GAA: variants seen among roughly 807,000 people sequenced by gnomAD.
GAA encodes the protein lysosomal alpha-glucosidase.
Under a neutral mutation model 103.9 loss-of-function variants are expected in GAA, and 88 were observed. That is an observed-to-expected ratio of 0.85 (90% CI 0.71 to 1.01). The LOEUF (loss-of-function observed/expected upper bound fraction) is 1.01, where lower values mean the gene tolerates loss of function less well. Ranked by LOEUF, GAA falls within the 50% of genes least tolerant of loss-of-function variation. The pLI is 0.00. For missense variants in GAA, 1,350 were observed against 1,305.3 expected, an observed-to-expected ratio of 1.03 and a Z score of -0.53; for synonymous variants, 572 against 563.1, an observed-to-expected ratio of 1.02 and a Z score of -0.22.
In GAA at chr17:80,119,632, A is replaced by G. The variant is rs2143941340; in HGVS notation, c.*301A>G. The G allele has an allele frequency of 2.5e-6, 1 of 405,048 alleles. No homozygotes were observed. The allele number at this position is 405,048 out of a possible 1,614,324, so 25.1% of individuals were successfully genotyped here. ...CACCTGTTGCCGGCATGCGGGTAGT[A>G]TTAGCCACCCCCCTCCATCTGTTCC... On this transcript the variant is annotated 3_prime_UTR_variant, in exon 20 of 20. Transcript: ENST00000302262.
At chr17:80,112,250 C>T in intron 12 of GAA, 150 bp downstream of exon 12, 1 of 764,266 alleles carries the variant, frequency 1.3e-6, no homozygotes, top group Non-Finnish European at 2.2e-6. Context: ...CACCCGCTGC[C>T]TGCACCCCAG....
At chr17:80,111,074 C>G in intron 11 of GAA, 49 bp downstream of exon 11, 1 of 1,563,300 alleles carries the variant, frequency 6.4e-7, no homozygotes, top group African/African-American at 1.4e-5. Flanking sequence ...ATCAGAGACT[C>G]CCTTGTCTGG....
Position 80,118,864 on chromosome 17 carries a change from A to G in GAA, c.2799+59A>G, listed in dbSNP as rs2039420458. 3 of 1,595,626 alleles carry G rather than the reference A, an allele frequency of 1.9e-6. No individual in the cohort carries two copies. In the Admixed American group the frequency reaches 5.1e-5, roughly 27 times the overall value. On this transcript the variant is annotated intron_variant, in intron 19 of 19. Transcript: ENST00000302262. ...CCCCCAGCCGTGGTGCAGGGGGCAG[A>G]AGGTGCTGGGCGTCCTGGTGACCGA...
intron 1 of GAA, chr17:80,102,791 T>C (rs542366578): frequency 1.3e-5 from 2 of 152,226 alleles, no homozygotes; most frequent in Non-Finnish European, 2.9e-5. Flanking sequence ...TCTGAATTTA[T>C]AACTAGTTGA....
At position 80,112,812 on chromosome 17, in the gene GAA, G is replaced by T. The variant is rs754890343; in HGVS notation, c.1889-64G>T. The T allele has an allele frequency of 5.1e-6, 8 of 1,582,102 alleles. No homozygotes were observed. In the Admixed American group the frequency reaches 1.3e-4, roughly 25 times the overall value. Reference sequence around the variant, plus strand: ...ACCCACTTAGCAGGTGGGGCTCTGGGTCACTTGGCCTGAGCTGGCTCTGCT... The same window carrying T: ...ACCCACTTAGCAGGTGGGGCTCTGGTTCACTTGGCCTGAGCTGGCTCTGCT... On this transcript the variant is annotated intron_variant, in intron 13 of 19. Coordinates refer to ENST00000302262, the MANE Select transcript of GAA (RefSeq NM_000152.5).
At chr17:80,110,916 C>T in intron 10 of GAA, 25 bp from the exon 11 acceptor site, 1 of 1,613,886 alleles carries the variant, frequency 6.2e-7, no homozygotes, top group Non-Finnish European at 8.5e-7. Flanking sequence ...GGCAGAGTCA[C>T]CTACCAGCAG....
At chr17:80,117,207 A>C (rs959001000) in intron 16 of GAA, 98 bp downstream of exon 16, 89 of 1,347,614 alleles carry the variant, frequency 6.6e-5, no homozygotes, top group Non-Finnish European at 8.7e-5. Flanking sequence ...TGGCGGAAAG[A>C]GGAACGTATG....
At chr17:80,119,031 T>C (rs1217396515) in intron 19 of GAA, among the ~76,000 whole-genome samples, 1 of 152,224 alleles carries the variant, frequency 6.6e-6, no homozygotes, top group Admixed American at 6.5e-5. Context: ...CTGAGCCGTG[T>C]TGAAGCAGCA....
At chr17:80,118,493 A>C (rs1391835381) in intron 18 of GAA, 136 bp downstream of exon 18, 1 of 1,401,530 alleles carries the variant, frequency 7.1e-7, no homozygotes, top group African/African-American at 1.4e-5. Flanking sequence ...GGGGTCCTAG[A>C]GTGAGCAGTG....
chr17:80,117,227 C>A, intron 16 of GAA, 118 bp downstream of exon 16: 1 of 1,123,654 alleles, frequency 8.9e-7, no homozygotes, highest in Non-Finnish European at 1.3e-6. Context: ...GTGTTGAGTC[C>A]CGGCCATGTG....
Position 80,109,917 on chromosome 17 carries a change from T to C in GAA, c.1327-28T>C, listed in dbSNP as rs944479501. On this transcript the variant is annotated intron_variant, in intron 8 of 19. Transcript: ENST00000302262. Reference sequence around the variant, plus strand: ...CTGGCGCCAGGGCTCTGGGCCACCCTCACCTTGACAGGTTTCCCTCTTCCC... The same window carrying C: ...CTGGCGCCAGGGCTCTGGGCCACCCCCACCTTGACAGGTTTCCCTCTTCCC... 4.4e-6 allele frequency: 7 copies of C among 1,585,320 alleles called. No homozygotes were observed. The Admixed American group carries it at 6.7e-5, about 15-fold the overall frequency.
intron 8 of GAA, among the ~76,000 whole-genome samples, 193 bp downstream of exon 8, chr17:80,109,021 C>A (rs1461265730): frequency 6.6e-6 from 1 of 152,138 alleles, no homozygotes; most frequent in Non-Finnish European, 1.5e-5. Context: ...GTTTGAGGGT[C>A]CCCAGAAATG....
chr17:80,108,612 G>A lies in GAA; in HGVS notation c.1194+5G>A, dbSNP rs2039153749. ...ACCAGGGCCCACTTCCCCCTGGTGA[G>A]TTGGGGTGGTGGCAGGGGAGGCAAG... On this transcript the variant is annotated splice_donor_5th_base_variant and intron_variant, in intron 7 of 19. Transcript: ENST00000302262. 2 of 1,612,792 alleles carry A rather than the reference G, an allele frequency of 1.2e-6. No individual in the cohort carries two copies. The highest frequency in any genetic ancestry group is 1.6e-4 in the Middle Eastern group (1 of 6,062).
chr17:80,102,825 G>A (rs2038986082), intron 1 of GAA: 1 of 152,230 alleles, frequency 6.6e-6, no homozygotes. Flanking sequence ...TGACAACCTG[G>A]GATTTGCCAT....
intron 3 of GAA, among the ~76,000 whole-genome samples, chr17:80,106,915 A>G (rs529388378): frequency 6.6e-6 from 1 of 152,284 alleles, no homozygotes; most frequent in South Asian, 2.1e-4. Context: ...ACCCCGTCTC[A>G]AAAAACAAAC....
intron 15 of GAA, 59 bp downstream of exon 15, chr17:80,113,425 TC>T: frequency 7.0e-7 from 1 of 1,435,248 alleles, no homozygotes; most frequent in African/African-American, 1.4e-5. Flanking sequence ...GGCACGTAAC[TC>T]CCAGGCAGCC....
intron 14 of GAA, 42 bp from the exon 15 acceptor site, chr17:80,113,168 ACCGCGGCC>A: frequency 6.5e-7 from 1 of 1,549,638 alleles, no homozygotes; most frequent in Non-Finnish European, 8.7e-7. Context: ...ACTCCAGGGG[ACCGCGGCC>A]CCAGCACCCA....
chr17:80,118,882 G>C, intron 19 of GAA, 77 bp downstream of exon 19: 1 of 1,543,448 alleles, frequency 6.5e-7, no homozygotes, highest in East Asian at 2.3e-5. Context: ...GGGCGTCCTG[G>C]TGACCGATGC....
rs2039043461 is a variant in GAA, at chr17:80,105,011, GCTC to G, written c.429_431del (p.Ser144del). ...CCCAGCTACAAGCTGGAGAACCTGA[GCTC>G]CTCTGAAATGGGCTACACGGCCACC... On this transcript the variant is annotated inframe_deletion, in exon 2 of 20. Transcript: ENST00000302262. The G allele has an allele frequency of 1.2e-6, 2 of 1,612,842 alleles. No homozygotes were observed. Among genetic ancestry groups the G allele is most frequent in the Non-Finnish European group, 1.7e-6 (2 of 1,180,020 alleles).
Sources: allele counts gnomAD v4.1 joint callset (sites outside exome capture counted in the v4.1 genomes callset), GRCh38; gene constraint gnomAD v4.1.1; transcripts MANE v1.5; gene names NCBI Gene and HGNC (gene_info 2026-07-23, HGNC 2026-07-21).